PMS1: variants seen among roughly 807,000 people sequenced by gnomAD.
The protein encoded by PMS1 is PMS1 homolog 1, mismatch repair system component.
Under a neutral mutation model 93.1 loss-of-function variants are expected in PMS1, and 79 were observed. That is an observed-to-expected ratio of 0.85 (90% CI 0.71 to 1.02). The LOEUF (loss-of-function observed/expected upper bound fraction) is 1.02. Ranked by LOEUF, PMS1 falls within the 50% of genes least tolerant of loss-of-function variation. The pLI, the probability that PMS1 is intolerant of heterozygous loss-of-function variation, is 0.00. For missense variants in PMS1, 1,064 were observed against 1,085.3 expected, an observed-to-expected ratio of 0.98 and a Z score of 0.28; for synonymous variants, 335 against 363.4, an observed-to-expected ratio of 0.92 and a Z score of 0.89.
chr2:189,786,604 T>C (rs1047417439), intron 1 of PMS1, among the ~76,000 whole-genome samples: 1 of 152,220 alleles, frequency 6.6e-6, no homozygotes, highest in African/African-American at 2.4e-5. Context: ...TTAATAGTTT[T>C]GTGATCTTGA....
chr2:189,848,791 A>T (rs189010687), intron 6 of PMS1, among the ~76,000 whole-genome samples: 1 of 152,102 alleles, frequency 6.6e-6, no homozygotes, highest in Non-Finnish European at 1.5e-5. Context: ...TGTTGTATTT[A>T]TGTTGCCACC....
intron 1 of PMS1, among the ~76,000 whole-genome samples, chr2:189,791,494 C>T (rs1036291742): frequency 5.9e-5 from 9 of 152,036 alleles, no homozygotes; most frequent in East Asian, 3.9e-4. Context: ...CTGGTGGGCA[C>T]CTGTAATCCC....
At chr2:189,826,450 CTT>C (rs76322920) in intron 5 of PMS1, among the ~76,000 whole-genome samples, 13 of 125,984 alleles carry the variant, frequency 1.0e-4, no homozygotes, top group Admixed American at 1.6e-4. Flanking sequence ...GGTTTGGGGT[CTT>C]TTTTTTTTTT....
At chr2:189,861,755 A>T (rs1370761203) in intron 9 of PMS1, among the ~76,000 whole-genome samples, 2 of 152,006 alleles carry the variant, frequency 1.3e-5, no homozygotes, top group African/African-American at 4.8e-5. Flanking sequence ...CTCAAAAAAA[A>T]AAAAAAAGAT....
At chr2:189,862,474 T>A (rs764702019) in intron 9 of PMS1, among the ~76,000 whole-genome samples, 1 of 152,210 alleles carries the variant, frequency 6.6e-6, no homozygotes, top group Non-Finnish European at 1.5e-5. Context: ...GAGGTTGGCT[T>A]CTACTGACCA....
Position 189,864,095 on chromosome 2 carries a change from C to G in PMS1, c.2209C>G (p.Leu737Val). The G allele has an allele frequency of 6.2e-7, 1 of 1,613,518 alleles. No individual in the cohort carries two copies. The highest frequency in any genetic ancestry group is 1.3e-5 in the African/African-American group (1 of 74,960). ...CAATCTCAGGTTTCCTGATGCATGGCTAATGACATCCAAAACAGAGGTAAT... is the reference window on the plus strand; with the variant it reads ...CAATCTCAGGTTTCCTGATGCATGGGTAATGACATCCAAAACAGAGGTAAT... ...IHNLRFPDAW[L>V]MTSKTEVMLL... Residue 737 changes from leucine to valine, a missense_variant, in exon 10 of 13, where the codon CTA becomes GTA. Transcript: ENST00000441310.
chr2:189,802,893 C>T, intron 3 of PMS1, among the ~76,000 whole-genome samples: 1 of 152,176 alleles, frequency 6.6e-6, no homozygotes, highest in Non-Finnish European at 1.5e-5. Context: ...CTAAATGCAG[C>T]TTCATCACAG....
chr2:189,834,970 C>A (rs770061184), intron 5 of PMS1, among the ~76,000 whole-genome samples: 1 of 152,130 alleles, frequency 6.6e-6, no homozygotes. Flanking sequence ...CTCAGCCTCC[C>A]AAAGTGCTGG....
intron 6 of PMS1, among the ~76,000 whole-genome samples, chr2:189,845,440 G>A (rs184317670): frequency 2.0e-4 from 30 of 151,796 alleles, no homozygotes; most frequent in Admixed American, 1.4e-3. Context: ...ACTATCTTAT[G>A]TAGTTTTTCG....
At chr2:189,790,983 G>A (rs1337923797) in intron 1 of PMS1, among the ~76,000 whole-genome samples, 1 of 152,056 alleles carries the variant, frequency 6.6e-6, no homozygotes, top group Non-Finnish European at 1.5e-5. Flanking sequence ...CAGAGTTCGA[G>A]TTTGCAAGAA....
chr2:189,784,867 A>G (rs2048138067), intron 1 of PMS1: 1 of 152,378 alleles, frequency 6.6e-6, no homozygotes, highest in South Asian at 2.1e-4. Context: ...CAGGCAGCAG[A>G]TTTAACCCAT....
intron 5 of PMS1, among the ~76,000 whole-genome samples, chr2:189,834,235 T>C (rs1486097864): frequency 1.3e-5 from 2 of 152,208 alleles, no homozygotes; most frequent in Admixed American, 6.5e-5. Flanking sequence ...GGAAAGACTA[T>C]GTGGGCAGAG....
chr2:189,858,770 C>T (rs1044139233), intron 9 of PMS1, among the ~76,000 whole-genome samples: 7 of 152,162 alleles, frequency 4.6e-5, no homozygotes, highest in African/African-American at 1.4e-4. Flanking sequence ...TAGAAAATAA[C>T]TTTAAAATTG....
At chr2:189,840,943 G>A (rs1029166212) in intron 5 of PMS1, among the ~76,000 whole-genome samples, 3 of 152,166 alleles carry the variant, frequency 2.0e-5, no homozygotes, top group Non-Finnish European at 2.9e-5. Flanking sequence ...AGATTACACA[G>A]CGTATCACAA....
chr2:189,848,082 G>A (rs1289152648), intron 6 of PMS1, among the ~76,000 whole-genome samples: 3 of 152,130 alleles, frequency 2.0e-5, no homozygotes, highest in South Asian at 2.1e-4. Context: ...ACACACTCCA[G>A]TGCTACTTCA....
Position 189,853,945 on chromosome 2 carries a change from C to G in PMS1, c.829C>G (p.Arg277Gly). Residue 277 changes from arginine (R) to glycine (G), a missense_variant, in exon 8 of 13, where the codon CGA becomes GGA. By Grantham distance (125) the Arg-to-Gly change is moderately radical. Coordinates refer to ENST00000441310, the MANE Select transcript of PMS1 (RefSeq NM_000534.5). ...TTATTACATGTATTTCTAGTTAATC[C>G]GACATCATTACAATCTGAAATGCCT... ...VHQKDILKLI[R>G]HHYNLKCLKE... 3 of 1,563,424 alleles carry G rather than the reference C, an allele frequency of 1.9e-6. No homozygotes were observed. Among genetic ancestry groups the G allele is most frequent in the Non-Finnish European group, 2.6e-6 (3 of 1,142,092 alleles).
chr2:189,854,088 T>C lies in PMS1; in HGVS notation c.966+6T>C, dbSNP rs201117398. On this transcript the variant is annotated splice_donor_region_variant and intron_variant, in intron 8 of 12. Transcript: ENST00000441310. ...AAGTATTATTACAAAATAAGGTAAC[T>C]CTTTTCAGATAATTTTTTCTTATGC... The C allele has an allele frequency of 6.4e-6, 10 of 1,565,548 alleles. No individual in the cohort carries two copies. The highest frequency in any genetic ancestry group is 4.5e-5 in the East Asian group (2 of 44,208).
At chr2:189,787,212 A>G (rs113542632) in intron 1 of PMS1, among the ~76,000 whole-genome samples, 1 of 152,210 alleles carries the variant, frequency 6.6e-6, no homozygotes, top group African/African-American at 2.4e-5. Flanking sequence ...GAGCTGGAGG[A>G]TGGTGTGGAA....
At chr2:189,807,361 C>A (rs995941069) in intron 4 of PMS1, among the ~76,000 whole-genome samples, 1 of 151,922 alleles carries the variant, frequency 6.6e-6, no homozygotes, top group Admixed American at 6.6e-5. Context: ...GATTATAATT[C>A]TTTTACTGTA....
Sources: gnomAD v4.1 joint callset for allele counts (sites outside exome capture counted in the v4.1 genomes callset) on GRCh38, gnomAD v4.1.1 for gene constraint, MANE v1.5 for transcripts, NCBI Gene and HGNC (gene_info 2026-07-23, HGNC 2026-07-21) for gene names.